Variants in PTK2 observed in about 807,000 individuals in gnomAD.
PTK2 encodes protein tyrosine kinase 2, also known as focal adhesion kinase 1.
In PTK2, 45 loss-of-function variants were observed where a neutral mutation model predicts 150.1. The observed-to-expected ratio is 0.30, with a 90% CI of 0.24 to 0.38. PTK2 has a LOEUF of 0.38. Among genes scored for constraint, PTK2 ranks in the 10% least tolerant of loss-of-function variants. PTK2 has a pLI of 1.00. For synonymous variants in PTK2, 432 were observed against 449.2 expected, an observed-to-expected ratio of 0.96 and a Z score of 0.48; for missense variants, 919 against 1,307.3, an observed-to-expected ratio of 0.70 and a Z score of 4.58.
chr8:140,892,509 C>A, intron 2 of PTK2: 2 of 325,566 alleles, frequency 6.1e-6, no homozygotes, highest in South Asian at 4.8e-5. Flanking sequence ...GCTTTCCAGC[C>A]AGGGCGACAG....
intron 24 of PTK2, among the ~76,000 whole-genome samples, chr8:140,704,996 C>G (rs538377864): frequency 1.3e-5 from 2 of 152,268 alleles, no homozygotes; most frequent in African/African-American, 4.8e-5. Flanking sequence ...AGGCAAGTGG[C>G]CATCTCAGAA....
At chr8:140,855,154 T>A (rs1164164720) in intron 5 of PTK2, among the ~76,000 whole-genome samples, 1 of 152,100 alleles carries the variant, frequency 6.6e-6, no homozygotes. Context: ...TCTGGCCCCA[T>A]TAAAAATACT....
At chr8:140,816,668 T>A (rs1348236955) in intron 10 of PTK2, among the ~76,000 whole-genome samples, 1 of 152,142 alleles carries the variant, frequency 6.6e-6, no homozygotes, top group Non-Finnish European at 1.5e-5. Flanking sequence ...TTCACAGAGG[T>A]GAGAAGAAAA....
chr8:140,997,451 T>C (rs2100198208), intron 1 of PTK2, among the ~76,000 whole-genome samples: 1 of 152,208 alleles, frequency 6.6e-6, no homozygotes, highest in Non-Finnish European at 1.5e-5. Context: ...TCTGGAGAAA[T>C]CTTTAATGAA....
chr8:140,702,222 C>CAT (rs376032515), intron 25 of PTK2, among the ~76,000 whole-genome samples: 2 of 123,750 alleles, frequency 1.6e-5, no homozygotes, highest in Non-Finnish European at 3.2e-5. Flanking sequence ...TATTTATTAC[C>CAT]TTTTTTTTTT....
intron 1 of PTK2, among the ~76,000 whole-genome samples, chr8:140,944,597 T>A (rs1367691830): frequency 6.6e-6 from 1 of 152,196 alleles, no homozygotes; most frequent in African/African-American, 2.4e-5. Flanking sequence ...GACTGACACA[T>A]GACAGCGATT....
At chr8:140,724,949 T>C (rs935594917) in intron 22 of PTK2, among the ~76,000 whole-genome samples, 1 of 152,254 alleles carries the variant, frequency 6.6e-6, no homozygotes, top group African/African-American at 2.4e-5. Context: ...TAAGCAGTGA[T>C]GCTGGAGATT....
chr8:140,757,564 A>G (rs2100066585), intron 16 of PTK2, among the ~76,000 whole-genome samples: 1 of 152,328 alleles, frequency 6.6e-6, no homozygotes, highest in Non-Finnish European at 1.5e-5. Context: ...TATAAAAGTA[A>G]TGCTCAGAGC....
intron 21 of PTK2, among the ~76,000 whole-genome samples, chr8:140,738,781 G>A (rs1334343321): frequency 6.6e-6 from 1 of 152,178 alleles, no homozygotes; most frequent in Non-Finnish European, 1.5e-5. Context: ...AAAAGGAAGA[G>A]TGATGGAAGG....
intron 14 of PTK2, among the ~76,000 whole-genome samples, chr8:140,784,959 TA>T (rs2100084066): frequency 6.6e-6 from 1 of 152,206 alleles, no homozygotes; most frequent in East Asian, 1.9e-4. Flanking sequence ...AAGTACCTGG[TA>T]TCTTCTCTCC....
In PTK2 at chr8:140,892,205, C is replaced by CA. The variant is rs534170436; in HGVS notation, c.-32-1437dup. On this transcript the variant is annotated intron_variant, in intron 2 of 31. Transcript: ENST00000522684. The stretch of plus-strand genomic sequence containing the variant: ...CCTGGACCACAGAGTGAGACTGTCT[C>CA]AAAACAAACAAACGAACAAACACAC... 3.1e-3 allele frequency among the ~76,000 whole-genome samples: 468 copies of CA among 151,978 alleles called. 9 individuals carry two copies. Among genetic ancestry groups the CA allele is most frequent in the Non-Finnish European group, 5.7e-4 (39 of 67,980 alleles).
intron 17 of PTK2, among the ~76,000 whole-genome samples, chr8:140,750,629 C>T (rs1295156192): frequency 1.3e-5 from 2 of 152,156 alleles, no homozygotes; most frequent in Non-Finnish European, 2.9e-5. Context: ...GGAAGAGGAA[C>T]ATCACCGCTT....
intron 26 of PTK2, among the ~76,000 whole-genome samples, chr8:140,691,257 T>C (rs1024542240): frequency 5.9e-5 from 9 of 152,156 alleles, no homozygotes; most frequent in African/African-American, 2.2e-4. Context: ...CAAGTGATCT[T>C]CCTGTCTCTG....
intron 7 of PTK2, among the ~76,000 whole-genome samples, chr8:140,833,802 AAACT>A (rs1409785349): frequency 6.6e-6 from 1 of 152,210 alleles, no homozygotes; most frequent in African/African-American, 2.4e-5. Flanking sequence ...ATGTAATAAA[AAACT>A]AACTCACATG....
intron 1 of PTK2, among the ~76,000 whole-genome samples, chr8:140,947,441 G>T (rs774706030): frequency 6.6e-6 from 1 of 152,030 alleles, no homozygotes; most frequent in African/African-American, 2.4e-5. Context: ...GTCTGAACTC[G>T]AGCTCATCTA....
At position 140,818,324 on chromosome 8, in the gene PTK2, T is replaced by C. The variant is rs751799081; in HGVS notation, c.820A>G (p.Ile274Val). 1.4e-5 allele frequency: 22 copies of C among 1,614,080 alleles called. 1 individual carries two copies. The South Asian group carries it at 1.4e-4, about 10-fold the overall frequency. ...TAACTGATTCCTTCTTCTGGGCCGATTGCCAGTTCCACTGAAATAATCCAG... is the reference window on the plus strand; with the variant it reads ...TAACTGATTCCTTCTTCTGGGCCGACTGCCAGTTCCACTGAAATAATCCAG... Residue 274 changes from isoleucine (I) to valine (V), a missense_variant, in exon 10 of 32, where the codon ATC becomes GTC. By Grantham distance (29) the Ile-to-Val change is conservative (BLOSUM62 3). Coordinates refer to ENST00000522684, the Ensembl canonical transcript of PTK2.
chr8:140,879,461 T>C lies in PTK2; in HGVS notation c.362+10A>G. ...AGTGTGCATCACACCAAAGCAGGTT[T>C]GTATCTTACTTCCACTCCTCTGGTG... On this transcript the variant is annotated intron_variant, in intron 4 of 31. Transcript: ENST00000522684. 2 of 1,594,696 alleles carry C rather than the reference T, an allele frequency of 1.3e-6. No homozygotes were observed. Among genetic ancestry groups the C allele is most frequent in the African/African-American group, 1.4e-5 (1 of 73,840 alleles).
rs150410292 is a variant in PTK2, at chr8:140,700,920, G to A, written c.2470C>T (p.Arg824Cys). 4.5e-5 allele frequency: 73 copies of A among 1,613,900 alleles called. No individual in the cohort carries two copies. Among genetic ancestry groups the A allele is most frequent in the Non-Finnish European group, 6.0e-5 (71 of 1,179,950 alleles). The change falls in exon 26 of 32, where the codon CGC becomes TGC. Residue 824 changes from arginine (R) to cysteine (C), a missense_variant. By Grantham distance (180) the Arg-to-Cys change is radical (BLOSUM62 -3). Around this residue, in one of 3 missense-constraint regions of PTK2, gnomAD observed 258 missense variants for 265.4 expected, o/e 0.97. Transcript: ENST00000522684. Reference sequence around the variant, plus strand: ...AATCTTTCCTCTTTTTCCAGCCAGCGCTGATCTTCTTCCATTTCCTGTTGC... The same window carrying A: ...AATCTTTCCTCTTTTTCCAGCCAGCACTGATCTTCTTCCATTTCCTGTTGC...
intron 3 of PTK2, among the ~76,000 whole-genome samples, chr8:140,883,354 T>TG (rs2100150340): frequency 1.3e-5 from 2 of 152,110 alleles, no homozygotes; most frequent in African/African-American, 4.8e-5. Flanking sequence ...AAGTGGTTTG[T>TG]GGGGAGGAGG....
Sources: allele counts gnomAD v4.1 joint callset (sites outside exome capture counted in the v4.1 genomes callset), GRCh38; gene constraint gnomAD v4.1.1; regional missense constraint gnomAD v4.1.1; transcripts MANE v1.5; gene names NCBI Gene and HGNC (gene_info 2026-07-23, HGNC 2026-07-21).